The following INSL6 variants were observed in gnomAD, a reference collection of about 807,000 sequenced individuals.
INSL6 encodes the protein insulin-like peptide INSL6.
A neutral mutation model predicts 9.4 loss-of-function variants in INSL6; 16 were observed. The ratio of observed to expected loss-of-function variants is 1.70; its 90% CI spans 1.15 to 2.59. The LOEUF is 2.59. Among genes scored for constraint, INSL6 ranks in the 30% most tolerant of loss-of-function variants. The probability of loss-of-function intolerance (pLI) is 0.00; values close to 1 mark genes in which losing one functional copy is unlikely to be tolerated. For synonymous variants in INSL6, 154 were observed against 96.9 expected (o/e 1.59, Z -3.46); for missense variants, 391 against 257.3 (o/e 1.52, Z -3.56).
chr9:5,130,426 G>C (rs1474385227), intron 3 of INSL6, among the ~76,000 whole-genome samples: 1 of 152,178 alleles, frequency 6.6e-6, no homozygotes, highest in African/African-American at 2.4e-5. Context: ...AAAAATGGTA[G>C]AGCAGGCATA....
At chr9:5,028,965 G>C in the INSL6 span, among the ~76,000 whole-genome samples, 1 of 152,192 alleles carries the variant, frequency 6.6e-6, no homozygotes, top group Non-Finnish European at 1.5e-5. Context: ...ATTTACTGCA[G>C]TCGCATTTTT....
At chr9:5,175,367 C>G (rs1367877170) in intron 1 of INSL6, among the ~76,000 whole-genome samples, 1 of 152,204 alleles carries the variant, frequency 6.6e-6, no homozygotes, top group South Asian at 2.1e-4. Context: ...TAACAGGTCT[C>G]TCTGTTTCTA....
the INSL6 span, among the ~76,000 whole-genome samples, chr9:5,038,195 A>G: frequency 6.6e-6 from 1 of 152,212 alleles, no homozygotes; most frequent in African/African-American, 2.4e-5. Context: ...TAGAGGATCA[A>G]GATGAAATGG....
At chr9:5,032,183 T>C in the INSL6 span, among the ~76,000 whole-genome samples, 4 of 152,092 alleles carry the variant, frequency 2.6e-5, no homozygotes, top group Non-Finnish European at 2.9e-5. Context: ...AACTGCAAGG[T>C]GGCAGCGAGG....
intron 1 of INSL6, among the ~76,000 whole-genome samples, chr9:5,171,368 G>A (rs190378042): frequency 2.6e-5 from 4 of 152,134 alleles, no homozygotes; most frequent in East Asian, 3.9e-4. Context: ...ACAAACCCAC[G>A]GCCAAATATC....
intron 2 of INSL6, among the ~76,000 whole-genome samples, chr9:5,135,085 G>A (rs939947953): frequency 2.0e-5 from 3 of 152,056 alleles, no homozygotes; most frequent in Admixed American, 2.0e-4. Context: ...AAGAGACAAA[G>A]AAGGGCATTA....
At chr9:5,001,069 G>A in the INSL6 span, among the ~76,000 whole-genome samples, 1 of 152,162 alleles carries the variant, frequency 6.6e-6, no homozygotes, top group Admixed American at 6.5e-5. Flanking sequence ...TGTGATACTG[G>A]TAAATTCATT....
chr9:5,142,945 A>T (rs1254410340), intron 2 of INSL6, among the ~76,000 whole-genome samples: 1 of 152,156 alleles, frequency 6.6e-6, no homozygotes, highest in Non-Finnish European at 1.5e-5. Flanking sequence ...TTCTGCATCT[A>T]TTGAGATAAT....
the INSL6 span, chr9:5,072,711 G>A: frequency 3.9e-6 from 4 of 1,030,654 alleles, no homozygotes; most frequent in African/African-American, 4.9e-5. Flanking sequence ...CATGTGTGCA[G>A]CTTTTCAAAA....
the INSL6 span, among the ~76,000 whole-genome samples, chr9:5,086,409 G>T: frequency 6.6e-6 from 1 of 152,172 alleles, no homozygotes. Context: ...CAGAGATCAG[G>T]ATCTTAGTGC....
At chr9:5,036,004 C>T in the INSL6 span, among the ~76,000 whole-genome samples, 125 of 152,282 alleles carry the variant, frequency 8.2e-4, no homozygotes, top group African/African-American at 2.9e-3. Flanking sequence ...CCCAAAATCT[C>T]CTTAAGCTGA....
the INSL6 span, chr9:5,041,196 T>G: frequency 1.4e-6 from 2 of 1,436,986 alleles, no homozygotes; most frequent in African/African-American, 2.8e-5. Flanking sequence ...TACCAGGACG[T>G]GAAGCCCGAG....
the INSL6 span, among the ~76,000 whole-genome samples, chr9:5,101,609 G>C: frequency 6.6e-6 from 1 of 152,244 alleles, no homozygotes; most frequent in African/African-American, 2.4e-5. Context: ...GCCTAAGTGG[G>C]AGACACCTCC....
chr9:5,175,010 G>A (rs1012595473), intron 1 of INSL6, among the ~76,000 whole-genome samples: 1 of 151,696 alleles, frequency 6.6e-6, no homozygotes, highest in African/African-American at 2.4e-5. Flanking sequence ...CGTTATCTCG[G>A]CTCACTGCAA....
At chr9:5,040,614 A>G in the INSL6 span, among the ~76,000 whole-genome samples, 1 of 152,282 alleles carries the variant, frequency 6.6e-6, no homozygotes, top group Non-Finnish European at 1.5e-5. Context: ...TTACAGCTCA[A>G]CAAGACAATG....
At chr9:5,052,334 G>A in the INSL6 span, among the ~76,000 whole-genome samples, 1 of 151,972 alleles carries the variant, frequency 6.6e-6, no homozygotes, top group Non-Finnish European at 1.5e-5. Context: ...TGACTATTTA[G>A]TAACTATTTA....
the INSL6 span, among the ~76,000 whole-genome samples, chr9:5,027,952 A>G: frequency 6.6e-6 from 1 of 152,208 alleles, no homozygotes; most frequent in African/African-American, 2.4e-5. Flanking sequence ...AAAGATACCC[A>G]TGAGAGCCAG....
chr9:5,179,685 T>C (rs533884647), intron 1 of INSL6, among the ~76,000 whole-genome samples: 1 of 152,218 alleles, frequency 6.6e-6, no homozygotes, highest in Non-Finnish European at 1.5e-5. Flanking sequence ...TGAGATCATG[T>C]CCTTTGCAGG....
chr9:5,157,977 A>G (rs1044648521), intron 2 of INSL6, among the ~76,000 whole-genome samples: 1 of 152,228 alleles, frequency 6.6e-6, no homozygotes, highest in East Asian at 1.9e-4. Context: ...TCAGAATTCT[A>G]ACAAATAAAT....
Sources: allele counts gnomAD v4.1 joint callset (sites outside exome capture counted in the v4.1 genomes callset), GRCh38; gene constraint gnomAD v4.1.1; transcripts MANE v1.5; gene names NCBI Gene and HGNC (gene_info 2026-07-23, HGNC 2026-07-21).